Variants in STX18 observed in about 807,000 individuals in gnomAD.
The protein encoded by STX18 is syntaxin 18.
A neutral mutation model predicts 50.1 loss-of-function variants in STX18; 40 were observed. The ratio of observed to expected loss-of-function variants is 0.80; its 90% CI spans 0.62 to 1.04. The LOEUF is 1.04. STX18 is among the 50% of genes least tolerant of loss of function. The pLI, the probability that STX18 is intolerant of heterozygous loss-of-function variation, is 0.00. For synonymous variants in STX18, 158 were observed against 151.8 expected (o/e 1.04, Z -0.30); for missense variants, 410 against 415.8 (o/e 0.99, Z 0.12).
At chr4:4,511,070 T>C (rs546000626) in intron 1 of STX18, among the ~76,000 whole-genome samples, 1 of 152,292 alleles carries the variant, frequency 6.6e-6, no homozygotes, top group East Asian at 1.9e-4. Context: ...GCTTAAAACC[T>C]ATATGACGGG....
intron 1 of STX18, among the ~76,000 whole-genome samples, chr4:4,537,713 CT>C (rs2108933166): frequency 6.6e-6 from 1 of 152,318 alleles, no homozygotes; most frequent in East Asian, 1.9e-4. Context: ...CTTATTTCAC[CT>C]AACAACTTTA....
chr4:4,434,042 C>T (rs1725653109), intron 7 of STX18, among the ~76,000 whole-genome samples: 1 of 152,254 alleles, frequency 6.6e-6, no homozygotes, highest in Non-Finnish European at 1.5e-5. Context: ...GTTTTGTCTA[C>T]TGCAAACTGC....
rs111870082 is a variant in STX18 at position 4,542,017 on chromosome 4, G to A, written c.-53C>T. 48 of 1,492,210 alleles carry A rather than the reference G, an allele frequency of 3.2e-5. No homozygotes were observed. The highest frequency in any genetic ancestry group is 4.0e-5 in the Non-Finnish European group (45 of 1,119,160). 92.4% of individuals were successfully genotyped at this position (1,492,210 alleles called of 1,614,324 possible). A position where few individuals can be genotyped will look rare whatever the true frequency, so the allele number is the denominator to read the frequency against. ...AGGCCCGCCCACGTAAGCAGCCGGCGACCGCGGCGCGAACCCGGCCGCTGA... is the reference window on the plus strand; with the variant it reads ...AGGCCCGCCCACGTAAGCAGCCGGCAACCGCGGCGCGAACCCGGCCGCTGA... On this transcript the variant is annotated 5_prime_UTR_variant, in exon 1 of 11. Transcript: ENST00000306200.
At chr4:4,471,561 G>C in intron 2 of STX18, 78 bp downstream of exon 2, 1 of 983,570 alleles carries the variant, frequency 1.0e-6, no homozygotes, top group Non-Finnish European at 1.4e-6. Context: ...AAAAAGGTGA[G>C]GGCAAAAAGC....
At chr4:4,490,550 GCTTA>G (rs1728898494) in intron 1 of STX18, among the ~76,000 whole-genome samples, 1 of 152,046 alleles carries the variant, frequency 6.6e-6, no homozygotes, top group Admixed American at 6.5e-5. Flanking sequence ...CTCTACAGAT[GCTTA>G]CTTCGTAAAA....
intron 1 of STX18, among the ~76,000 whole-genome samples, chr4:4,531,575 C>T (rs943833009): frequency 2.6e-5 from 4 of 152,218 alleles, no homozygotes; most frequent in Non-Finnish European, 4.4e-5. Context: ...TTTCACACTG[C>T]TGAGTAAGAA....
chr4:4,494,752 T>C lies in STX18; in HGVS notation c.169-23046A>G, dbSNP rs77462462. Reference sequence around the variant, plus strand: ...TACAGGTGGGAAGCATCTCCCTGTCTCCATGGTGCCTGTCTTACAGAGCTA... The same window carrying C: ...TACAGGTGGGAAGCATCTCCCTGTCCCCATGGTGCCTGTCTTACAGAGCTA... On this transcript the variant is annotated intron_variant, in intron 1 of 10. Coordinates refer to ENST00000306200, the MANE Select transcript of STX18 (RefSeq NM_016930.4). Among the ~76,000 whole-genome samples the C allele has an allele frequency of 2.6e-5, 4 of 152,208 alleles. No individual in the cohort carries two copies. In the East Asian group the frequency reaches 7.7e-4, roughly 29 times the overall value.
At chr4:4,514,343 G>T (rs572728674) in intron 1 of STX18, among the ~76,000 whole-genome samples, 5 of 152,288 alleles carry the variant, frequency 3.3e-5, no homozygotes, top group African/African-American at 1.2e-4. Context: ...GGAAAATGGA[G>T]ACTTCATGAA....
intron 2 of STX18, 70 bp from the exon 3 acceptor site, chr4:4,459,557 G>A: frequency 9.0e-7 from 1 of 1,117,102 alleles, no homozygotes; most frequent in Non-Finnish European, 1.4e-6. Flanking sequence ...GGGATGGGAA[G>A]AGAAGAAAAG....
intron 1 of STX18, among the ~76,000 whole-genome samples, chr4:4,526,257 T>A (rs151034471): frequency 6.6e-6 from 1 of 152,268 alleles, no homozygotes; most frequent in Non-Finnish European, 1.5e-5. Context: ...ACTCCTATGG[T>A]AGCAGCAGAA....
At position 4,459,371 on chromosome 4, in the gene STX18, C is replaced by T. The variant is rs1181350471; in HGVS notation, c.352+1G>A. The T allele has an allele frequency of 5.6e-6, 9 of 1,611,158 alleles. No individual in the cohort carries two copies. The highest frequency in any genetic ancestry group is 5.9e-6 in the Non-Finnish European group (7 of 1,177,504). ...TGTTTGCATCTTTCAGAGCACTTTACCTTCTGTTCGTAGTTGCTGAATTGC... is the reference window on the plus strand; with the variant it reads ...TGTTTGCATCTTTCAGAGCACTTTATCTTCTGTTCGTAGTTGCTGAATTGC... On this transcript the variant is annotated splice_donor_variant, in intron 3 of 10. Coordinates refer to ENST00000306200, the MANE Select transcript of STX18 (RefSeq NM_016930.4). LOFTEE classifies it high-confidence loss of function.
At chr4:4,485,679 C>A (rs1406925011) in intron 1 of STX18, among the ~76,000 whole-genome samples, 3 of 152,200 alleles carry the variant, frequency 2.0e-5, no homozygotes, top group African/African-American at 7.2e-5. Context: ...AGCTCACACA[C>A]GCTGGGTGGA....
At chr4:4,429,468 A>G (rs1288126522) in intron 7 of STX18, among the ~76,000 whole-genome samples, 1 of 152,218 alleles carries the variant, frequency 6.6e-6, no homozygotes, top group Admixed American at 6.5e-5. Flanking sequence ...CGCCAAGAGA[A>G]GTATTTGTGT....
chr4:4,439,275 AAC>A (rs141132355), intron 5 of STX18, among the ~76,000 whole-genome samples: 9 of 139,532 alleles, frequency 6.5e-5, no homozygotes, highest in South Asian at 4.5e-4. Flanking sequence ...CACCCACATA[AAC>A]ACACACACAT....
chr4:4,472,098 G>T (rs796668191), intron 1 of STX18, among the ~76,000 whole-genome samples: 3 of 152,330 alleles, frequency 2.0e-5, no homozygotes, highest in African/African-American at 7.2e-5. Flanking sequence ...TTCTAAAGCT[G>T]AAGCTGTTGC....
At chr4:4,452,433 A>G (rs1726804835) in intron 5 of STX18, among the ~76,000 whole-genome samples, 1 of 152,266 alleles carries the variant, frequency 6.6e-6, no homozygotes, top group South Asian at 2.1e-4. Flanking sequence ...CCATAGCTAC[A>G]GAGGAGAAGT....
intron 1 of STX18, among the ~76,000 whole-genome samples, chr4:4,538,522 T>C (rs893940307): frequency 1.4e-5 from 2 of 147,782 alleles, no homozygotes; most frequent in African/African-American, 5.0e-5. Flanking sequence ...AAAATACAGC[T>C]TGGTGCCACT....
intron 7 of STX18, chr4:4,426,295 T>G (rs958714098): frequency 6.6e-6 from 1 of 152,238 alleles, no homozygotes; most frequent in Non-Finnish European, 1.5e-5. Flanking sequence ...CCAGTTGTTC[T>G]TTCTTTCTTA....
intron 2 of STX18, chr4:4,461,991 C>G (rs1191670197): frequency 8.8e-6 from 4 of 456,130 alleles, no homozygotes; most frequent in African/African-American, 2.0e-5. Context: ...CCAGGGGCTG[C>G]GGCTGCGCAG....
Sources: gnomAD v4.1 joint callset for allele counts (sites outside exome capture counted in the v4.1 genomes callset) on GRCh38, gnomAD v4.1.1 for gene constraint, MANE v1.5 for transcripts, NCBI Gene and HGNC (gene_info 2026-07-23, HGNC 2026-07-21) for gene names.